The following BMPR1A variants were observed in gnomAD, a reference collection of about 807,000 sequenced individuals.
BMPR1A encodes the protein bone morphogenetic protein receptor type-1A.
A neutral mutation model predicts 66.0 loss-of-function variants in BMPR1A; 7 were observed. That is an observed-to-expected ratio of 0.11 (90% confidence interval 0.06 to 0.20). The LOEUF (loss-of-function observed/expected upper bound fraction) is 0.20. BMPR1A is among the 10% of genes least tolerant of loss of function. BMPR1A has a pLI of 1.00. For synonymous variants in BMPR1A, 200 were observed against 229.7 expected, an observed-to-expected ratio of 0.87 and a Z score of 1.17; for missense variants, 408 against 669.1, an observed-to-expected ratio of 0.61 and a Z score of 4.31.
chr10:86,838,440 A>T (rs1842380954), intron 1 of BMPR1A, among the ~76,000 whole-genome samples: 1 of 152,230 alleles, frequency 6.6e-6, no homozygotes, highest in African/African-American at 2.4e-5. Context: ...AAAACTGGTT[A>T]TTAGACTTTG....
intron 3 of BMPR1A, among the ~76,000 whole-genome samples, chr10:86,879,474 G>A (rs1342193584): frequency 6.6e-6 from 1 of 152,220 alleles, no homozygotes; most frequent in Non-Finnish European, 1.5e-5. Flanking sequence ...ATCACGTGGA[G>A]GAGGGGCAGA....
chr10:86,808,006 A>G (rs767401725), intron 1 of BMPR1A, among the ~76,000 whole-genome samples: 6 of 152,178 alleles, frequency 3.9e-5, no homozygotes, highest in Non-Finnish European at 8.8e-5. Context: ...ACCTCAGGCA[A>G]TCCACCCACC....
intron 1 of BMPR1A, among the ~76,000 whole-genome samples, chr10:86,760,144 C>G (rs1346239939): frequency 7.2e-6 from 1 of 138,598 alleles, no homozygotes; most frequent in Non-Finnish European, 1.5e-5. Flanking sequence ...CTAGGTCTTC[C>G]ATTAAATGAA....
At chr10:86,932,703 G>C (rs1202971284), downstream of BMPR1A, 1 of 152,346 alleles carries the variant, frequency 6.6e-6, no homozygotes. Flanking sequence ...GGCTACAGCA[G>C]GGAGAGCTTT....
At chr10:86,808,919 T>TA (rs1841928742) in intron 1 of BMPR1A, among the ~76,000 whole-genome samples, 1 of 152,198 alleles carries the variant, frequency 6.6e-6, no homozygotes, top group African/African-American at 2.4e-5. Context: ...ACAGGTTACT[T>TA]ATAGGGATCC....
At chr10:86,830,004 C>T (rs974924607) in intron 1 of BMPR1A, among the ~76,000 whole-genome samples, 2 of 151,722 alleles carry the variant, frequency 1.3e-5, no homozygotes, top group Non-Finnish European at 2.9e-5. Flanking sequence ...AGTGTAGGGA[C>T]CACTACAATA....
At chr10:86,882,239 A>C (rs1024952528) in intron 3 of BMPR1A, among the ~76,000 whole-genome samples, 1 of 152,082 alleles carries the variant, frequency 6.6e-6, no homozygotes, top group Non-Finnish European at 1.5e-5. Context: ...CCTGGCCAAC[A>C]TGGTGAAACC....
At chr10:86,830,773 A>AT (rs1308314350) in intron 1 of BMPR1A, among the ~76,000 whole-genome samples, 2 of 151,792 alleles carry the variant, frequency 1.3e-5, no homozygotes, top group African/African-American at 2.4e-5. Flanking sequence ...CCTGTACCTC[A>AT]TTTTTTTGCC....
At chr10:86,758,260 C>T (rs1197073147) in intron 1 of BMPR1A, among the ~76,000 whole-genome samples, 1 of 152,082 alleles carries the variant, frequency 6.6e-6, no homozygotes, top group Non-Finnish European at 1.5e-5. Context: ...TTTCTACTTT[C>T]TTCACTTCTC....
chr10:86,879,995 A>G (rs553933127), intron 3 of BMPR1A, among the ~76,000 whole-genome samples: 1 of 152,268 alleles, frequency 6.6e-6, no homozygotes, highest in South Asian at 2.1e-4. Flanking sequence ...TTCTGTCTTC[A>G]TGGTCACATC....
intron 2 of BMPR1A, among the ~76,000 whole-genome samples, chr10:86,866,891 A>G (rs1334098534): frequency 6.6e-6 from 1 of 152,176 alleles, no homozygotes; most frequent in Non-Finnish European, 1.5e-5. Context: ...CCTTGAACCT[A>G]TCTTTTCTCT....
chr10:86,887,025 G>A (rs1843076160), intron 3 of BMPR1A, among the ~76,000 whole-genome samples: 1 of 151,798 alleles, frequency 6.6e-6, no homozygotes, highest in Admixed American at 6.6e-5. Flanking sequence ...TAGAGACGGG[G>A]TTTCACCATG....
At chr10:86,917,568 C>A (rs564783960) in intron 9 of BMPR1A, among the ~76,000 whole-genome samples, 28 of 152,310 alleles carry the variant, frequency 1.8e-4, no homozygotes, top group Non-Finnish European at 3.8e-4. Context: ...GTTTATTGGA[C>A]TTACTCCCAT....
In BMPR1A at chr10:86,917,249, T is replaced by C. The variant is rs775377247; in HGVS notation, c.791T>C (p.Phe264Ser). ...GAAAAAGTGGCGGTGAAAGTATTCTTTACCACTGAAGAAGCCAGCTGGTTT... is the reference window on the plus strand; with the variant it reads ...GAAAAAGTGGCGGTGAAAGTATTCTCTACCACTGAAGAAGCCAGCTGGTTT... The part of the protein sequence containing the change: ...RGEKVAVKVF[F>S]TTEEASWFRE... Residue 264 changes from phenylalanine (F) to serine (S), a missense_variant, in exon 9 of 13, where the codon TTT (phenylalanine) becomes TCT (serine). Coordinates refer to ENST00000372037, the MANE Select transcript of BMPR1A (RefSeq NM_004329.3). 2 of 1,613,954 alleles carry C rather than the reference T, an allele frequency of 1.2e-6. No homozygotes were observed. The highest frequency in any genetic ancestry group is 2.2e-5 in the South Asian group (2 of 91,066).
chr10:86,918,414 C>T (rs1040259867), intron 9 of BMPR1A, among the ~76,000 whole-genome samples: 2 of 152,110 alleles, frequency 1.3e-5, no homozygotes, highest in African/African-American at 4.8e-5. Context: ...ACGAGCCAGA[C>T]TGAAAAGGCA....
intron 1 of BMPR1A, among the ~76,000 whole-genome samples, chr10:86,806,024 G>T (rs1841885237): frequency 6.6e-6 from 1 of 151,460 alleles, no homozygotes; most frequent in African/African-American, 2.4e-5. Context: ...GCCACCTGTT[G>T]TGTTTCATGA....
chr10:86,909,304 T>C (rs1368636278), intron 7 of BMPR1A, among the ~76,000 whole-genome samples: 3 of 152,012 alleles, frequency 2.0e-5, no homozygotes, highest in African/African-American at 7.3e-5. Context: ...TATTTAGAAA[T>C]AATGAGGGCC....
intron 2 of BMPR1A, among the ~76,000 whole-genome samples, chr10:86,846,857 C>T (rs1047753462): frequency 5.9e-5 from 9 of 152,202 alleles, no homozygotes; most frequent in Non-Finnish European, 1.0e-4. Flanking sequence ...TAGTCCCACT[C>T]TCTTCCATTC....
chr10:86,856,746 C>T (rs889979863), intron 2 of BMPR1A, among the ~76,000 whole-genome samples: 4 of 152,174 alleles, frequency 2.6e-5, no homozygotes, highest in Non-Finnish European at 4.4e-5. Flanking sequence ...CAGTTCCCAA[C>T]GAGACTGCCC....
Sources: gnomAD v4.1 joint callset for allele counts (sites outside exome capture counted in the v4.1 genomes callset) on GRCh38, gnomAD v4.1.1 for gene constraint, MANE v1.5 for transcripts, NCBI Gene and HGNC (gene_info 2026-07-23, HGNC 2026-07-21) for gene names.